Variants in FAS observed in about 807,000 individuals in gnomAD.
FAS encodes Fas cell surface death receptor.
A neutral mutation model predicts 33.2 loss-of-function variants in FAS; 5 were observed. That is an observed-to-expected ratio of 0.15 (90% CI 0.08 to 0.32). FAS has a LOEUF of 0.32. FAS is among the 10% of genes least tolerant of loss of function. The pLI is 1.00. For missense variants in FAS, 339 were observed against 386.0 expected (o/e 0.88, Z 1.02); for synonymous variants, 131 against 130.7 (o/e 1.00, Z -0.01).
rs1177419511 is a variant in FAS, at chr10:89,017,055, C to G, written c.*2605C>G. The G allele has an allele frequency of 5.7e-6, 1 of 176,732 alleles. No homozygotes were observed. The highest frequency in any genetic ancestry group is 2.4e-5 in the African/African-American group (1 of 42,210). 10.9% of individuals were successfully genotyped at this position (176,732 alleles called of 1,614,324 possible). On this transcript the variant is annotated 3_prime_UTR_variant, in exon 9 of 9. Transcript: ENST00000652046. ...CTTTAAAAATATTAAACCATGTTTTCTTAACATCTGTTGCTGTTGATTATG... is the reference window on the plus strand; with the variant it reads ...CTTTAAAAATATTAAACCATGTTTTGTTAACATCTGTTGCTGTTGATTATG...
At chr10:88,984,069 G>T (rs940041952), upstream of FAS, among the ~76,000 whole-genome samples, 2 of 152,136 alleles carry the variant, frequency 1.3e-5, no homozygotes, top group Non-Finnish European at 2.9e-5. Context: ...TGAGGGGAGG[G>T]TTACTATCAT....
At position 89,015,710 on chromosome 10, in the gene FAS, G is replaced by A. The variant is rs1278647625; in HGVS notation, c.*1260G>A. ...AACCACCTAAAGAACTTCCATTTATGGAGGATTTTTTTGCCCCTTGTGTTT... is the reference window on the plus strand; with the variant it reads ...AACCACCTAAAGAACTTCCATTTATAGAGGATTTTTTTGCCCCTTGTGTTT... On this transcript the variant is annotated 3_prime_UTR_variant, in exon 9 of 9. Transcript: ENST00000652046. 2.0e-6 allele frequency: 1 copy of A among 496,658 alleles called. No homozygotes were observed. Among genetic ancestry groups the A allele is most frequent in the South Asian group, 1.8e-5 (1 of 54,716 alleles). The allele number at this position is 496,658 out of a possible 1,614,324, so 30.8% of individuals were successfully genotyped here. A position where few individuals can be genotyped will look rare whatever the true frequency, so the allele number is the denominator to read the frequency against.
intron 1 of FAS, among the ~76,000 whole-genome samples, chr10:88,995,805 G>A (rs952231080): frequency 2.6e-5 from 4 of 152,032 alleles, no homozygotes; most frequent in Admixed American, 6.5e-5. Flanking sequence ...CAGGCTGGGC[G>A]ACAGAGTGAG....
upstream of FAS, among the ~76,000 whole-genome samples, chr10:88,988,411 T>A (rs927553504): frequency 6.7e-4 from 75 of 111,560 alleles, 2 homozygotes; most frequent in Non-Finnish European, 7.0e-5. Context: ...TAAAAAGATG[T>A]AGAAGTTTTT....
At chr10:89,003,360 A>G (rs1486871984) in intron 2 of FAS, among the ~76,000 whole-genome samples, 166 bp downstream of exon 2, 2 of 152,218 alleles carry the variant, frequency 1.3e-5, no homozygotes, top group Non-Finnish European at 2.9e-5. Context: ...AGTTTTATTT[A>G]TATTTATCAC....
At chr10:89,002,655 C>G (rs1318615149) in intron 1 of FAS, 1 of 305,400 alleles carries the variant, frequency 3.3e-6, no homozygotes, top group African/African-American at 2.2e-5. Context: ...GTGCATTATT[C>G]CACGTATTTT....
At chr10:88,979,485 G>A (rs1203080359) in intron 2 of FAS, among the ~76,000 whole-genome samples, 1 of 152,198 alleles carries the variant, frequency 6.6e-6, no homozygotes, top group African/African-American at 2.4e-5. Flanking sequence ...CTCATCTTGG[G>A]ATGATTTTAA....
At position 89,014,106 on chromosome 10, in the gene FAS, T is replaced by C. The variant is rs1848664168; in HGVS notation, c.677-13T>C. The C allele has an allele frequency of 6.2e-7, 1 of 1,612,152 alleles. No homozygotes were observed. Among genetic ancestry groups the C allele is most frequent in the Non-Finnish European group, 8.5e-7 (1 of 1,179,466 alleles). On this transcript the variant is annotated splice_polypyrimidine_tract_variant and intron_variant, in intron 8 of 8. Transcript: ENST00000652046. ...TAGAAAAACAAATTTTCAGACTATTTTCTATTTTTCAGATGTTGACTTGAG... is the reference window on the plus strand; with the variant it reads ...TAGAAAAACAAATTTTCAGACTATTCTCTATTTTTCAGATGTTGACTTGAG...
chr10:88,993,576 G>A (rs754736956), intron 1 of FAS, among the ~76,000 whole-genome samples: 16 of 152,062 alleles, frequency 1.1e-4, no homozygotes, highest in Non-Finnish European at 1.9e-4. Flanking sequence ...GTTATCTTAT[G>A]GTCAAAGGAA....
At chr10:88,967,457 AG>A (rs1247511658) in intron 1 of FAS, among the ~76,000 whole-genome samples, 1 of 152,196 alleles carries the variant, frequency 6.6e-6, no homozygotes, top group African/African-American at 2.4e-5. Context: ...CGATGAGGAC[AG>A]ATGCGAGAAT....
chr10:88,990,643 G>C (rs769222279), upstream of FAS: 3 of 695,452 alleles, frequency 4.3e-6, no homozygotes, highest in South Asian at 3.0e-5. The surrounding 1 kb of genome is among the most constrained non-coding windows in gnomAD (Gnocchi z 4.9). Flanking sequence ...TCGTGAGCTC[G>C]TCTCTGATCT....
At chr10:88,971,967 G>C (rs1846457439) in intron 1 of FAS, among the ~76,000 whole-genome samples, 1 of 151,608 alleles carries the variant, frequency 6.6e-6, no homozygotes, top group African/African-American at 2.4e-5. Context: ...GGAGTGCAGA[G>C]GCGTGATCTC....
In FAS at chr10:89,016,730, C is replaced by T. The variant is rs559502828; in HGVS notation, c.*2280C>T. 2.0e-4 allele frequency: 44 copies of T among 223,458 alleles called. No homozygotes were observed. Among genetic ancestry groups the T allele is most frequent in the African/African-American group, 8.9e-4 (40 of 44,876 alleles). 13.8% of individuals were successfully genotyped at this position (223,458 alleles called of 1,614,324 possible). A position where few individuals can be genotyped will look rare whatever the true frequency, so the allele number is the denominator to read the frequency against. The stretch of plus-strand genomic sequence containing the variant: ...TGGTGGGCATACTGGGTAGGAGAAT[C>T]ACCCAAAGGTCACCCATGAGCTGCA... On this transcript the variant is annotated 3_prime_UTR_variant, in exon 9 of 9. Coordinates refer to ENST00000652046, the MANE Select transcript of FAS (RefSeq NM_000043.6).
chr10:89,004,653 A>C (rs1323519456), intron 2 of FAS, among the ~76,000 whole-genome samples: 1 of 152,158 alleles, frequency 6.6e-6, no homozygotes, highest in Non-Finnish European at 1.5e-5. Context: ...TTCCTTAGGT[A>C]AATTCTGGAA....
At position 88,997,299 on chromosome 10, in the gene FAS, GGTCTTGAGA is replaced by G. The variant is rs572653518; in HGVS notation, c.31-5729_31-5721del. The stretch of plus-strand genomic sequence containing the variant: ...ACTACAGGATTCTGATGTCTGTCGG[GGTCTTGAGA>G]ACTATTTTTCTGACTCTAGCACTAA... On this transcript the variant is annotated intron_variant, in intron 1 of 8. Transcript: ENST00000652046. 5.1e-3 allele frequency among the ~76,000 whole-genome samples: 775 copies of G among 152,132 alleles called. 3 individuals are homozygous for G. The highest frequency in any genetic ancestry group is 0.018 in the African/African-American group (743 of 41,506).
chr10:88,967,700 AC>A (rs1846344313), intron 1 of FAS, among the ~76,000 whole-genome samples: 2 of 152,310 alleles, frequency 1.3e-5, no homozygotes, highest in Non-Finnish European at 2.9e-5. Flanking sequence ...TGATTTTGTT[AC>A]TGTAAGCCAT....
rs1331763652 is a variant in FAS at position 89,015,300 on chromosome 10, T to A, written c.*850T>A. On this transcript the variant is annotated 3_prime_UTR_variant, in exon 9 of 9. Transcript: ENST00000652046. ...TTAATAGTCCACCAAAAGGCAAGAC[T>A]GCCCTTAGAAATTCTAGCCTGGTTT... is the stretch of plus-strand genomic sequence containing the variant. The A allele has an allele frequency of 1.3e-5, 7 of 534,682 alleles. No homozygotes were observed. The highest frequency in any genetic ancestry group is 2.5e-5 in the Non-Finnish European group (7 of 276,690). 33.1% of individuals were successfully genotyped at this position (534,682 alleles called of 1,614,324 possible).
Position 89,015,916 on chromosome 10 carries a change from A to G in FAS, c.*1466A>G. The G allele has an allele frequency of 3.3e-6, 1 of 303,610 alleles. No individual in the cohort carries two copies. 18.8% of individuals were successfully genotyped at this position (303,610 alleles called of 1,614,324 possible). ...AGAAGGTACTTCCTTTTTAACCTTA[A>G]CCCTTTTAGTAGTTAAATAATTATT... On this transcript the variant is annotated 3_prime_UTR_variant, in exon 9 of 9. Transcript: ENST00000652046.
In FAS at chr10:89,016,063, T is replaced by C. The variant is rs1018198569; in HGVS notation, c.*1613T>C. On this transcript the variant is annotated 3_prime_UTR_variant, in exon 9 of 9. Coordinates refer to ENST00000652046, the MANE Select transcript of FAS (RefSeq NM_000043.6). ...AGTATACATTTCAAGGGGTAGGTTTTATTATTAAGAAAGCCAAATGAGGAT... is the reference window on the plus strand; with the variant it reads ...AGTATACATTTCAAGGGGTAGGTTTCATTATTAAGAAAGCCAAATGAGGAT... 3.5e-5 allele frequency: 8 copies of C among 230,552 alleles called. No homozygotes were observed. Among genetic ancestry groups the C allele is most frequent in the African/African-American group, 4.4e-5 (2 of 44,964 alleles). 14.3% of individuals were successfully genotyped at this position (230,552 alleles called of 1,614,324 possible).
Sources: allele counts gnomAD v4.1 joint callset (sites outside exome capture counted in the v4.1 genomes callset), GRCh38; gene constraint gnomAD v4.1.1; non-coding constraint Gnocchi (gnomAD v3.1); transcripts MANE v1.5; gene names NCBI Gene and HGNC (gene_info 2026-07-23, HGNC 2026-07-21).